Variants in OTUD7A observed in about 807,000 individuals in gnomAD.
OTUD7A encodes the protein OTU domain-containing protein 7A.
Under a neutral mutation model 65.7 loss-of-function variants are expected in OTUD7A, and 12 were observed. The observed-to-expected ratio is 0.18, with a 90% confidence interval of 0.12 to 0.30. OTUD7A has a LOEUF of 0.30. Among genes scored for constraint, OTUD7A ranks in the 10% least tolerant of loss-of-function variants. The probability of loss-of-function intolerance (pLI) is 1.00; values close to 1 mark genes in which losing one functional copy is unlikely to be tolerated. For synonymous variants in OTUD7A, 641 were observed against 586.3 expected (o/e 1.09, Z -1.35); for missense variants, 1,148 against 1,304.8 (o/e 0.88, Z 1.85).
intron 8 of OTUD7A, among the ~76,000 whole-genome samples, chr15:31,510,510 ATATATG>A (rs1209599772): frequency 1.4e-5 from 2 of 143,432 alleles, no homozygotes; most frequent in African/African-American, 5.2e-5. Context: ...TAACATACAT[ATATATG>A]TATATCTATA....
chr15:31,792,847 G>T (rs781200511), intron 1 of OTUD7A, among the ~76,000 whole-genome samples: 4 of 152,190 alleles, frequency 2.6e-5, no homozygotes, highest in Non-Finnish European at 5.9e-5. Flanking sequence ...TCCTCAGGGA[G>T]CTCTTCTGTG....
chr15:31,850,597 C>T (rs1595814113), intron 1 of OTUD7A, among the ~76,000 whole-genome samples: 1 of 151,982 alleles, frequency 6.6e-6, no homozygotes, highest in Non-Finnish European at 1.5e-5. Context: ...AGAAATAGGC[C>T]TGCAGGCTCT....
intron 3 of OTUD7A, among the ~76,000 whole-genome samples, chr15:31,615,735 ACT>A (rs1890566004): frequency 6.6e-6 from 1 of 152,206 alleles, no homozygotes; most frequent in Non-Finnish European, 1.5e-5. Flanking sequence ...AATCATTCAG[ACT>A]CTCTTCTCTG....
intron 3 of OTUD7A, among the ~76,000 whole-genome samples, chr15:31,648,124 G>A (rs1312126355): frequency 6.6e-6 from 1 of 152,132 alleles, no homozygotes; most frequent in Non-Finnish European, 1.5e-5. Flanking sequence ...CCACTTCAGG[G>A]ACATGCAAGG....
intron 1 of OTUD7A, among the ~76,000 whole-genome samples, chr15:31,686,078 G>GT (rs1479422253): frequency 3.3e-5 from 5 of 152,266 alleles, no homozygotes; most frequent in Admixed American, 3.3e-4. Context: ...CAAGTTCTGG[G>GT]TGTGAGGGTT....
chr15:31,622,197 T>A (rs549791946), intron 3 of OTUD7A, among the ~76,000 whole-genome samples: 3 of 152,312 alleles, frequency 2.0e-5, no homozygotes, highest in African/African-American at 7.2e-5. Context: ...GCCCTTAACA[T>A]TTTTTCCTTC....
At chr15:31,785,196 A>C (rs1280386867) in intron 1 of OTUD7A, among the ~76,000 whole-genome samples, 3 of 152,196 alleles carry the variant, frequency 2.0e-5, no homozygotes, top group Admixed American at 2.0e-4. Context: ...GAACCAGACC[A>C]TGCAAGTACA....
intron 1 of OTUD7A, among the ~76,000 whole-genome samples, chr15:31,802,137 G>A (rs866055107): frequency 0.066 from 8,693 of 131,512 alleles, 533 homozygotes; most frequent in African/African-American, 0.17. Flanking sequence ...GTGTGTGTGT[G>A]TGTGTATATA....
chr15:31,845,429 A>G (rs568654889), intron 1 of OTUD7A, among the ~76,000 whole-genome samples: 32 of 152,348 alleles, frequency 2.1e-4, no homozygotes, highest in African/African-American at 6.7e-4. Context: ...CCACGCGGGT[A>G]AGCCACAGGA....
chr15:31,528,015 A>C (rs2042037094), intron 6 of OTUD7A, among the ~76,000 whole-genome samples: 2 of 152,230 alleles, frequency 1.3e-5, no homozygotes, highest in Non-Finnish European at 2.9e-5. Flanking sequence ...AGGGGAATCC[A>C]TCCATCCATC....
At chr15:31,669,555 T>C (rs1892424596) in intron 1 of OTUD7A, among the ~76,000 whole-genome samples, 1 of 152,212 alleles carries the variant, frequency 6.6e-6, no homozygotes, top group African/African-American at 2.4e-5. Flanking sequence ...AGCTGAGAAC[T>C]TGCCCCAGGT....
At chr15:31,592,901 AAAAATATATATATATAT>A (rs1889778603) in intron 3 of OTUD7A, among the ~76,000 whole-genome samples, 1 of 48,872 alleles carries the variant, frequency 2.0e-5, no homozygotes, top group Non-Finnish European at 3.3e-5. Flanking sequence ...AAAAAAAAAA[AAAAATATATATATATAT>A]ATATATATAT....
intron 8 of OTUD7A, among the ~76,000 whole-genome samples, chr15:31,525,427 T>TGCTGCA (rs1250153614): frequency 6.6e-6 from 1 of 152,234 alleles, no homozygotes; most frequent in Non-Finnish European, 1.5e-5. Flanking sequence ...TGGACGCCAC[T>TGCTGCA]GCTGCAGCTG....
At chr15:31,499,431 G>A (rs1385277902) in intron 10 of OTUD7A, among the ~76,000 whole-genome samples, 7 of 152,174 alleles carry the variant, frequency 4.6e-5, no homozygotes, top group South Asian at 2.1e-4. Flanking sequence ...GCGACTTTGC[G>A]GTCTGGCCAG....
At chr15:31,768,999 CATCT>C (rs1234235308) in intron 1 of OTUD7A, among the ~76,000 whole-genome samples, 1 of 152,002 alleles carries the variant, frequency 6.6e-6, no homozygotes, top group African/African-American at 2.4e-5. Context: ...AAAAACTGTC[CATCT>C]AAGTACAAAC....
At chr15:31,773,495 T>C (rs1895293600) in intron 1 of OTUD7A, among the ~76,000 whole-genome samples, 1 of 152,192 alleles carries the variant, frequency 6.6e-6, no homozygotes, top group African/African-American at 2.4e-5. Flanking sequence ...GGCACTAATC[T>C]CATTCATGAG....
chr15:31,583,551 T>C (rs1221914071), intron 3 of OTUD7A, among the ~76,000 whole-genome samples: 1 of 151,932 alleles, frequency 6.6e-6, no homozygotes, highest in Non-Finnish European at 1.5e-5. Flanking sequence ...GTTCTCATGG[T>C]AGTGAATAAG....
At chr15:31,817,858 C>T (rs1013888953) in intron 1 of OTUD7A, among the ~76,000 whole-genome samples, 1 of 152,342 alleles carries the variant, frequency 6.6e-6, no homozygotes, top group Non-Finnish European at 1.5e-5. Flanking sequence ...TGTGTCCTTC[C>T]AACATTCGTA....
chr15:31,786,668 C>T (rs1211108249), intron 1 of OTUD7A, among the ~76,000 whole-genome samples: 1 of 152,102 alleles, frequency 6.6e-6, no homozygotes, highest in Non-Finnish European at 1.5e-5. Context: ...AGAGGTGTCC[C>T]TAAGAAGGAA....
Sources: allele counts gnomAD v4.1 joint callset (sites outside exome capture counted in the v4.1 genomes callset), GRCh38; gene constraint gnomAD v4.1.1; transcripts MANE v1.5; gene names NCBI Gene and HGNC (gene_info 2026-07-23, HGNC 2026-07-21).